Variants in RASGRF1 observed in about 807,000 individuals in gnomAD.
RASGRF1 encodes the protein Ras protein specific guanine nucleotide releasing factor 1, also known as ras-specific guanine nucleotide-releasing factor 1.
Under a neutral mutation model 138.7 loss-of-function variants are expected in RASGRF1, and 40 were observed. The ratio of observed to expected loss-of-function variants is 0.29; its 90% CI spans 0.22 to 0.38. The LOEUF is 0.38. RASGRF1 is among the 10% of genes least tolerant of loss of function. The pLI is 1.00. For missense variants in RASGRF1, 1,108 were observed against 1,650.4 expected, an observed-to-expected ratio of 0.67 and a Z score of 5.69; for synonymous variants, 614 against 663.2, an observed-to-expected ratio of 0.93 and a Z score of 1.14.
intron 5 of RASGRF1, among the ~76,000 whole-genome samples, chr15:79,042,129 C>T (rs981641791): frequency 6.6e-6 from 1 of 152,172 alleles, no homozygotes; most frequent in Non-Finnish European, 1.5e-5. Flanking sequence ...TCTTTTCCCC[C>T]CTATTTGAGA....
chr15:79,071,683 T>C (rs1005572713), intron 1 of RASGRF1, among the ~76,000 whole-genome samples: 1 of 152,052 alleles, frequency 6.6e-6, no homozygotes, highest in African/African-American at 2.4e-5. Context: ...TGCAGCTGTC[T>C]CCTTCTTTCT....
intron 16 of RASGRF1, among the ~76,000 whole-genome samples, chr15:79,000,238 G>T (rs993505796): frequency 1.3e-5 from 2 of 152,214 alleles, no homozygotes; most frequent in African/African-American, 4.8e-5. Flanking sequence ...GCACAGGCCT[G>T]CCTGAGGGCA....
At chr15:78,963,889 G>A (rs2055593978) in intron 26 of RASGRF1, among the ~76,000 whole-genome samples, 1 of 152,162 alleles carries the variant, frequency 6.6e-6, no homozygotes, top group South Asian at 2.1e-4. Context: ...TACCTAGATA[G>A]TAGTGTCATG....
Position 79,046,339 on chromosome 15 carries a change from T to C in RASGRF1, c.878+407A>G, listed in dbSNP as rs2057354250. ...TTCCTTAACCGTGGCACTACTGACA[T>C]TGTAGTTGGAATAATTCTTTGTTGA... On this transcript the variant is annotated intron_variant, in intron 5 of 26. Transcript: ENST00000558480. The surrounding 1 kb of genome is among the most constrained non-coding windows in gnomAD (Gnocchi z 5.3). 6.6e-6 allele frequency among the ~76,000 whole-genome samples: 1 copy of C among 152,190 alleles called. No homozygotes were observed. Among genetic ancestry groups the C allele is most frequent in the African/African-American group, 2.4e-5 (1 of 41,444 alleles).
chr15:79,079,566 A>T (rs1412530297), intron 1 of RASGRF1, among the ~76,000 whole-genome samples: 2 of 152,202 alleles, frequency 1.3e-5, no homozygotes, highest in East Asian at 3.9e-4. Context: ...AAATAGTGAG[A>T]AAAACATGGT....
chr15:79,090,168 G>GC, intron 1 of RASGRF1, 55 bp downstream of exon 1: 3 of 1,513,328 alleles, frequency 2.0e-6, no homozygotes, highest in Non-Finnish European at 2.6e-6. Context: ...AAGGCCCTGA[G>GC]CCCCCAGGGC....
intron 20 of RASGRF1, among the ~76,000 whole-genome samples, chr15:78,993,343 T>C (rs1198142066): frequency 3.7e-5 from 5 of 136,734 alleles, no homozygotes; most frequent in Non-Finnish European, 8.1e-5. Flanking sequence ...GTGTAGTGTA[T>C]GTGTGTGTGG....
At chr15:79,025,257 C>G in intron 10 of RASGRF1, 57 bp downstream of exon 10, 1 of 1,522,928 alleles carries the variant, frequency 6.6e-7, no homozygotes, top group Non-Finnish European at 8.8e-7. Context: ...CTGGCCAGGA[C>G]AGCGCCTGCA....
At position 79,061,131 on chromosome 15, in the gene RASGRF1, T is replaced by A. The variant is rs575299713; in HGVS notation, c.384-2650A>T. On this transcript the variant is annotated intron_variant, in intron 2 of 26. Coordinates refer to ENST00000558480, the MANE Select transcript of RASGRF1 (RefSeq NM_001145648.3). The stretch of plus-strand genomic sequence containing the variant: ...TGCCCCCTCCTCCCCTTCTTAGCTG[T>A]CAGCAAGGAAACAGGGACTTCAGTC... Among the ~76,000 whole-genome samples, 3 of 152,198 alleles carry A rather than the reference T, an allele frequency of 2.0e-5. No homozygotes were observed. The South Asian group carries it at 6.2e-4, about 32-fold the overall frequency.
rs549213825 is a variant in RASGRF1 at position 79,049,349 on chromosome 15, A to G, written c.624+147T>C. On this transcript the variant is annotated intron_variant, in intron 4 of 26. Transcript: ENST00000558480. ...ACAGGGTACCCTTCAGGGATAAGGG[A>G]GTGTGGGCTCTGTCTTTGGAGCTGA... is the stretch of plus-strand genomic sequence containing the variant. 11 of 719,372 alleles carry G rather than the reference A, an allele frequency of 1.5e-5. No individual in the cohort carries two copies. The East Asian group carries it at 2.5e-4, about 16-fold the overall frequency. 44.6% of individuals were successfully genotyped at this position (719,372 alleles called of 1,614,324 possible).
intron 2 of RASGRF1, among the ~76,000 whole-genome samples, chr15:79,062,665 GC>G (rs1301340911): frequency 6.6e-6 from 1 of 152,054 alleles, no homozygotes; most frequent in Non-Finnish European, 1.5e-5. Context: ...CTCCTGAGTA[GC>G]TGGGACTACA....
intron 21 of RASGRF1, 96 bp downstream of exon 21, chr15:78,991,595 T>C (rs1260437416): frequency 3.1e-6 from 3 of 981,144 alleles, no homozygotes; most frequent in Non-Finnish European, 3.2e-6. Context: ...GGAGGGTCCG[T>C]GCAGCTCTGG....
At chr15:79,088,827 G>C (rs1211853099) in intron 1 of RASGRF1, among the ~76,000 whole-genome samples, 1 of 152,226 alleles carries the variant, frequency 6.6e-6, no homozygotes, top group African/African-American at 2.4e-5. Context: ...AGCTTAAGGA[G>C]CTGCCTGCTC....
In RASGRF1 at chr15:78,973,327, C is replaced by T. The variant is rs1455798969; in HGVS notation, c.3588G>A (p.Leu1196=). 1.9e-6 allele frequency: 3 copies of T among 1,613,050 alleles called. No homozygotes were observed. The highest frequency in any genetic ancestry group is 4.5e-5 in the East Asian group (2 of 44,832). ...EGTPNYTEDG[L]VNFSKMRMIS... ...CCATCCTCATCTTGGAGAAGTTGAC[C>T]AGGCCGTCTTCCGTGTAATTGGGCG... Residue 1196 remains leucine (L), a synonymous_variant, in exon 25 of 27, where the codon CTG becomes CTA. Coordinates refer to ENST00000558480, the MANE Select transcript of RASGRF1 (RefSeq NM_001145648.3). The surrounding 1 kb of genome is among the most constrained non-coding windows in gnomAD (Gnocchi z 4.9).
rs567262032 is a variant in RASGRF1 at position 79,090,710 on chromosome 15, C to T, written c.-212G>A. On this transcript the variant is annotated 5_prime_UTR_variant, in exon 1 of 27. Transcript: ENST00000558480. ...CCATTCCCCGCTGGAACCTCTTCTC[C>T]GCTCCGCAGAGCCCCAGTACCCGGA... 2.5e-3 allele frequency: 1,660 copies of T among 662,578 alleles called. 3 individuals are homozygous for T. Among genetic ancestry groups the T allele is most frequent in the Non-Finnish European group, 3.4e-3 (1,360 of 404,374 alleles). The allele number at this position is 662,578 out of a possible 1,614,324, so 41.0% of individuals were successfully genotyped here.
At chr15:79,084,474 G>A (rs1409358524) in intron 1 of RASGRF1, among the ~76,000 whole-genome samples, 1 of 152,228 alleles carries the variant, frequency 6.6e-6, no homozygotes, top group Non-Finnish European at 1.5e-5. Context: ...TTCTCAGCCA[G>A]CCTGCACGTC....
chr15:78,997,736 C>CAA (rs33965910), intron 19 of RASGRF1, among the ~76,000 whole-genome samples: 2,000 of 111,976 alleles, frequency 0.018, 46 homozygotes, highest in South Asian at 0.031. Flanking sequence ...GACTTCGCCT[C>CAA]AAAAAAAAAA....
Position 78,979,207 on chromosome 15 carries a change from C to T in RASGRF1, c.3494+1413G>A, listed in dbSNP as rs1269765764. ...CAGCACAGATGGGTGCAACATCTGT[C>T]TGAGGACACAAACAAAGTGGAGATG... On this transcript the variant is annotated intron_variant, in intron 24 of 26. Coordinates refer to ENST00000558480, the MANE Select transcript of RASGRF1 (RefSeq NM_001145648.3). The T allele has an allele frequency of 4.8e-6, 6 of 1,251,796 alleles. No individual in the cohort carries two copies. In the Admixed American group the frequency reaches 1.0e-4, roughly 21 times the overall value. 77.5% of individuals were successfully genotyped at this position (1,251,796 alleles called of 1,614,324 possible). A position where few individuals can be genotyped will look rare whatever the true frequency, so the allele number is the denominator to read the frequency against.
At chr15:79,021,558 T>G (rs2056961232) in intron 10 of RASGRF1, among the ~76,000 whole-genome samples, 1 of 152,246 alleles carries the variant, frequency 6.6e-6, no homozygotes, top group Non-Finnish European at 1.5e-5. Context: ...ATCTTGCAGA[T>G]CTGTAGTCTG....
Sources: gnomAD v4.1 joint callset for allele counts (sites outside exome capture counted in the v4.1 genomes callset) on GRCh38, gnomAD v4.1.1 for gene constraint, Gnocchi (gnomAD v3.1) non-coding constraint, MANE v1.5 for transcripts, NCBI Gene and HGNC (gene_info 2026-07-23, HGNC 2026-07-21) for gene names.